Variants in RTTN observed in about 807,000 individuals in gnomAD.
The protein encoded by RTTN is rotatin.
In RTTN, 182 loss-of-function variants were observed where a neutral mutation model predicts 269.2. That is an observed-to-expected ratio of 0.68 (90% CI 0.60 to 0.76). The LOEUF (loss-of-function observed/expected upper bound fraction) is 0.76, where lower values mean the gene tolerates loss of function less well. RTTN is among the 30% of genes least tolerant of loss of function. The pLI is 0.00. For synonymous variants in RTTN, 1,006 were observed against 963.5 expected (o/e 1.04, Z -0.82); for missense variants, 2,545 against 2,608.6 (o/e 0.98, Z 0.53).
chr18:70,123,855 A>G (rs2059798093), intron 25 of RTTN, among the ~76,000 whole-genome samples: 1 of 152,098 alleles, frequency 6.6e-6, no homozygotes, highest in Non-Finnish European at 1.5e-5. Flanking sequence ...TACAAGAGTG[A>G]CACCTAGTAG....
intron 17 of RTTN, among the ~76,000 whole-genome samples, chr18:70,148,626 C>T (rs1189165876): frequency 1.3e-5 from 2 of 152,134 alleles, no homozygotes; most frequent in Non-Finnish European, 2.9e-5. Flanking sequence ...CATGGCTCTC[C>T]AACTTGCCTA....
rs1354028119 is a variant in RTTN, at chr18:70,061,506, G to A, written c.4748-1464C>T. On this transcript the variant is annotated intron_variant, in intron 35 of 48. Transcript: ENST00000640769. The stretch of plus-strand genomic sequence containing the variant: ...AGCTAGAAAACGTGTGTGTATATAC[G>A]TATGCATGCACATACATACCCCTGG... 35 of 439,418 alleles carry A rather than the reference G, an allele frequency of 8.0e-5. 2 individuals are homozygous for A. The highest frequency in any genetic ancestry group is 4.0e-4 in the South Asian group (25 of 62,122). 27.2% of individuals were successfully genotyped at this position (439,418 alleles called of 1,614,324 possible).
chr18:70,176,647 T>C (rs1235911219), intron 11 of RTTN, 28 bp downstream of exon 11: 1 of 1,599,968 alleles, frequency 6.3e-7, no homozygotes, highest in Admixed American at 1.7e-5. Flanking sequence ...GTCTGTAAAG[T>C]ACAAATGAGC....
intron 44 of RTTN, among the ~76,000 whole-genome samples, chr18:70,022,339 T>G (rs1424838369): frequency 6.6e-6 from 1 of 152,124 alleles, no homozygotes; most frequent in East Asian, 1.9e-4. Context: ...ATCCTTCCTC[T>G]CAGCCTTCCC....
At chr18:70,188,863 C>T (rs2061606379) in intron 9 of RTTN, among the ~76,000 whole-genome samples, 1 of 57,804 alleles carries the variant, frequency 1.7e-5, no homozygotes, top group Non-Finnish European at 9.0e-5. Flanking sequence ...CGAGACTTTC[C>T]CACCCCGCAT....
intron 11 of RTTN, among the ~76,000 whole-genome samples, chr18:70,174,164 G>C (rs1198302056): frequency 7.2e-6 from 1 of 137,960 alleles, no homozygotes; most frequent in Non-Finnish European, 1.6e-5. Flanking sequence ...AAAAAAAAAA[G>C]CCTTTACAGA....
Position 70,205,157 on chromosome 18 carries a change from C to A in RTTN, c.190G>T (p.Val64Phe), listed in dbSNP as rs2062044409. The A allele has an allele frequency of 4.3e-6, 7 of 1,614,224 alleles. No homozygotes were observed. Among genetic ancestry groups the A allele is most frequent in the Non-Finnish European group, 5.9e-6 (7 of 1,180,040 alleles). ...ACCAATCTGCTTAACAGGTTCAGAA[C>A]CTCTTCCTTCATCGGAACGGACGGG... ...NFPSVPMKEEVLNLLSRLVKY... is the reference protein window; with the variant it reads ...NFPSVPMKEEFLNLLSRLVKY... The change falls in exon 2 of 49, where the codon GTT becomes TTT. Residue 64 changes from valine to phenylalanine, a missense_variant. By Grantham distance (50) the Val-to-Phe change is conservative. Coordinates refer to ENST00000640769, the MANE Select transcript of RTTN (RefSeq NM_173630.4).
intron 32 of RTTN, among the ~76,000 whole-genome samples, chr18:70,085,901 G>A (rs905681402): frequency 3.9e-5 from 6 of 151,976 alleles, no homozygotes; most frequent in East Asian, 1.9e-4. Context: ...ATGAGTACAC[G>A]AGAACCCCAA....
Position 70,109,621 on chromosome 18 carries a change from C to T in RTTN, c.3780G>A (p.Leu1260=). Residue 1260 remains leucine, a synonymous_variant, in exon 28 of 49, where the codon CTG becomes CTA. Transcript: ENST00000640769. Reference sequence around the variant, plus strand: ...CTCGTAAGGTCCGCTCAAGGGACGGCAGGCCATAGAAATGAGGCGCATCCG... The same window carrying T: ...CTCGTAAGGTCCGCTCAAGGGACGGTAGGCCATAGAAATGAGGCGCATCCG... ...KVTDAPHFYG[L]PSLERTLRGM... is the part of the protein sequence containing the mutation. The T allele has an allele frequency of 6.2e-7, 1 of 1,614,010 alleles. No individual in the cohort carries two copies. The highest frequency in any genetic ancestry group is 8.5e-7 in the Non-Finnish European group (1 of 1,180,016).
chr18:70,051,584 AC>A, intron 38 of RTTN, 36 bp from the exon 39 acceptor site: 1 of 1,498,050 alleles, frequency 6.7e-7, no homozygotes, highest in Non-Finnish European at 9.1e-7. Context: ...AGTTATTAAC[AC>A]AAAGAAGGAA....
chr18:70,077,478 G>C lies in RTTN; in HGVS notation c.4375-1937C>G, dbSNP rs377015750. 1.3e-4 allele frequency among the ~76,000 whole-genome samples: 20 copies of C among 152,054 alleles called. No individual in the cohort carries two copies. The East Asian group carries it at 1.9e-3, about 15-fold the overall frequency. ...GCCATACCAACTGTTAGGAAGACAA[G>C]AGTTACAAACCCACTGTCTTCTAAA... On this transcript the variant is annotated intron_variant, in intron 32 of 48. Coordinates refer to ENST00000640769, the MANE Select transcript of RTTN (RefSeq NM_173630.4).
At chr18:70,030,677 C>T (rs2145591716) in intron 41 of RTTN, among the ~76,000 whole-genome samples, 199 bp downstream of exon 41, 1 of 152,192 alleles carries the variant, frequency 6.6e-6, no homozygotes, top group East Asian at 1.9e-4. Context: ...CAAACAAAAA[C>T]AAACTATGTC....
chr18:70,136,670 G>C (rs1051349743), intron 21 of RTTN, among the ~76,000 whole-genome samples: 3 of 151,902 alleles, frequency 2.0e-5, no homozygotes, highest in African/African-American at 7.2e-5. Flanking sequence ...AAATTAATGA[G>C]ACATATTCAG....
chr18:70,119,120 T>C (rs1210746554), intron 26 of RTTN, among the ~76,000 whole-genome samples: 2 of 151,944 alleles, frequency 1.3e-5, no homozygotes, highest in East Asian at 3.9e-4. Flanking sequence ...GGCATCCACA[T>C]TAGAAAAAAG....
chr18:70,042,431 A>G (rs554976975), intron 40 of RTTN, among the ~76,000 whole-genome samples: 11 of 125,444 alleles, frequency 8.8e-5, no homozygotes, highest in South Asian at 2.5e-4. Flanking sequence ...GATAGAGTGC[A>G]GTGGCGTGAT....
chr18:70,067,543 GACA>G (rs1460301874), intron 34 of RTTN, among the ~76,000 whole-genome samples: 1 of 152,186 alleles, frequency 6.6e-6, no homozygotes, highest in African/African-American at 2.4e-5. Flanking sequence ...CAGATATCAA[GACA>G]ACATTTATAG....
chr18:70,177,205 C>G (rs2145988362), intron 10 of RTTN, among the ~76,000 whole-genome samples: 1 of 152,278 alleles, frequency 6.6e-6, no homozygotes, highest in East Asian at 1.9e-4. Context: ...AACCCCTCGT[C>G]AAGTATTTCT....
chr18:70,153,399 G>A (rs2060591098), intron 14 of RTTN, among the ~76,000 whole-genome samples: 1 of 151,934 alleles, frequency 6.6e-6, no homozygotes, highest in East Asian at 1.9e-4. Flanking sequence ...TAAGCTCTCT[G>A]ATAAGGCTCT....
At chr18:70,156,493 C>G (rs919982074) in intron 14 of RTTN, among the ~76,000 whole-genome samples, 1 of 152,160 alleles carries the variant, frequency 6.6e-6, no homozygotes, top group Non-Finnish European at 1.5e-5. Flanking sequence ...GTCCTGCGGT[C>G]CTATGATCTC....
Sources: gnomAD v4.1 joint callset for allele counts (sites outside exome capture counted in the v4.1 genomes callset) on GRCh38, gnomAD v4.1.1 for gene constraint, MANE v1.5 for transcripts, NCBI Gene and HGNC (gene_info 2026-07-23, HGNC 2026-07-21) for gene names.